Variants in FRAS1 observed in about 807,000 individuals in gnomAD.
The protein encoded by FRAS1 is Fraser extracellular matrix complex subunit 1, also known as extracellular matrix organizing protein FRAS1.
In FRAS1, 290 loss-of-function variants were observed where a neutral mutation model predicts 435.2. The observed-to-expected ratio is 0.67, with a 90% CI of 0.61 to 0.73. The LOEUF is 0.73. Ranked by LOEUF, FRAS1 falls within the 30% of genes least tolerant of loss-of-function variation. The pLI is 0.00. For missense variants in FRAS1, 4,860 were observed against 5,001.5 expected (o/e 0.97, Z 0.85); for synonymous variants, 1,800 against 1,851.0 (o/e 0.97, Z 0.71).
intron 29 of FRAS1, among the ~76,000 whole-genome samples, chr4:78,397,310 G>A (rs1239772642): frequency 6.6e-6 from 1 of 152,174 alleles, no homozygotes; most frequent in Non-Finnish European, 1.5e-5. Flanking sequence ...ATGATGGTAT[G>A]TCTTCTCTTG....
rs369399937 is a variant in FRAS1 at position 78,411,108 on chromosome 4, A to ATTT, written c.4309-1855_4309-1853dup. 2.6e-3 allele frequency among the ~76,000 whole-genome samples: 375 copies of ATTT among 142,882 alleles called. 17 individuals are homozygous for ATTT. Among genetic ancestry groups the ATTT allele is most frequent in the South Asian group, 0.012 (57 of 4,578 alleles). The allele number at this position is 142,882 out of a possible 152,430, so 93.7% of individuals were successfully genotyped here. A position where few individuals can be genotyped will look rare whatever the true frequency, so the allele number is the denominator to read the frequency against. ...AAATGCAGTATAATGAGTTGCATGG[A>ATTT]TTTTTTTTCTTTTTTTTTCTGAGAC... On this transcript the variant is annotated intron_variant, in intron 31 of 73. Transcript: ENST00000512123.
At chr4:78,271,459 C>A (rs11934447) in intron 9 of FRAS1, among the ~76,000 whole-genome samples, 35,130 of 151,550 alleles carry the variant, frequency 0.23, 5,059 homozygotes, top group Non-Finnish European at 0.33. Context: ...TGCTATCCCT[C>A]CCCCCTACCC....
chr4:78,519,972 T>C (rs1035339898), intron 67 of FRAS1, among the ~76,000 whole-genome samples: 1 of 152,210 alleles, frequency 6.6e-6, no homozygotes, highest in Non-Finnish European at 1.5e-5. Context: ...AAGAAGGGAT[T>C]TTAACCTTCC....
chr4:78,181,852 C>T (rs573668739), intron 2 of FRAS1: 44 of 1,612,062 alleles, frequency 2.7e-5, no homozygotes, highest in Admixed American at 2.3e-4. Flanking sequence ...GTTTGCCTGC[C>T]GCGTTGGAGT....
intron 6 of FRAS1, among the ~76,000 whole-genome samples, chr4:78,256,809 A>G (rs919086276): frequency 1.3e-5 from 2 of 152,156 alleles, no homozygotes; most frequent in Non-Finnish European, 2.9e-5. Context: ...CATTAAGTCT[A>G]TATTCTTGCC....
intron 2 of FRAS1, chr4:78,070,944 C>T (rs1197693734): frequency 3.9e-5 from 6 of 152,174 alleles, no homozygotes; most frequent in African/African-American, 9.7e-5. Flanking sequence ...TTACAGTGCT[C>T]AATAAAGGTT....
chr4:78,216,446 A>C (rs571906842), intron 2 of FRAS1, among the ~76,000 whole-genome samples: 4 of 152,374 alleles, frequency 2.6e-5, no homozygotes, highest in Admixed American at 6.5e-5. Flanking sequence ...GCATAAATAC[A>C]TGCATAAGGG....
intron 61 of FRAS1, among the ~76,000 whole-genome samples, chr4:78,501,259 T>G (rs997484366): frequency 1.3e-5 from 2 of 152,158 alleles, no homozygotes; most frequent in Non-Finnish European, 2.9e-5. Context: ...GAATGATGGT[T>G]TCCAGCTTCA....
Position 78,286,509 on chromosome 4 carries a change from G to A in FRAS1, c.1504G>A (p.Gly502Ser), listed in dbSNP as rs1474127334. The A allele has an allele frequency of 1.2e-5, 20 of 1,613,278 alleles. No homozygotes were observed. The highest frequency in any genetic ancestry group is 5.5e-5 in the South Asian group (5 of 91,054). Reference sequence around the variant, plus strand: ...GCAGTGTGTGCCTACCTGTGGGGACGGCTTCTACCAAGATCGCCATTCCTG... The same window carrying A: ...GCAGTGTGTGCCTACCTGTGGGGACAGCTTCTACCAAGATCGCCATTCCTG... The part of the protein sequence containing the change: ...HGQCVPTCGD[G>S]FYQDRHSCAV... Residue 502 changes from glycine (G) to serine (S), a missense_variant, in exon 14 of 74, where the codon GGC becomes AGC. Transcript: ENST00000512123.
chr4:78,192,127 A>T (rs1722567742), intron 2 of FRAS1, among the ~76,000 whole-genome samples: 1 of 152,214 alleles, frequency 6.6e-6, no homozygotes, highest in African/African-American at 2.4e-5. Context: ...CCCAGGAATG[A>T]AGCCCACTTG....
At chr4:78,523,909 C>G (rs1721461098) in intron 69 of FRAS1, among the ~76,000 whole-genome samples, 1 of 152,198 alleles carries the variant, frequency 6.6e-6, no homozygotes, top group Admixed American at 6.5e-5. Flanking sequence ...ACGTTAGTTA[C>G]TCACCAATCC....
intron 9 of FRAS1, among the ~76,000 whole-genome samples, chr4:78,270,855 T>C (rs916559949): frequency 3.3e-5 from 5 of 152,200 alleles, no homozygotes; most frequent in African/African-American, 1.2e-4. Flanking sequence ...ATCTGCTTTC[T>C]ATAGTACCCA....
chr4:78,486,856 A>T (rs1317572444), intron 58 of FRAS1, among the ~76,000 whole-genome samples: 6 of 142,708 alleles, frequency 4.2e-5, no homozygotes, highest in African/African-American at 1.6e-4. Context: ...TTTTTGGCAG[A>T]CAGGGATAGA....
In FRAS1 at chr4:78,537,017, A is replaced by G. The variant is rs1721906367; in HGVS notation, c.11115A>G (p.Val3705=). The G allele has an allele frequency of 1.1e-5, 17 of 1,613,828 alleles. No individual in the cohort carries two copies. The highest frequency in any genetic ancestry group is 1.7e-5 in the Admixed American group (1 of 60,010). The part of the protein sequence containing the change: ...FSKGQILYGR[V]LWNPEQNLNS... ...CAGGTCAAATCCTTTATGGCCGAGTACTTTGGAATCCAGAACAAAATCTTA... is the reference window on the plus strand; with the variant it reads ...CAGGTCAAATCCTTTATGGCCGAGTGCTTTGGAATCCAGAACAAAATCTTA... The change falls in exon 72 of 74, where the codon GTA becomes GTG. Residue 3705 remains valine (V), a synonymous_variant. Coordinates refer to ENST00000512123, the MANE Select transcript of FRAS1 (RefSeq NM_025074.7).
chr4:78,219,069 A>G (rs1430197462), intron 2 of FRAS1, among the ~76,000 whole-genome samples: 1 of 152,164 alleles, frequency 6.6e-6, no homozygotes. Context: ...TGGTAATTAC[A>G]TTCTTTTGCT....
intron 2 of FRAS1, among the ~76,000 whole-genome samples, chr4:78,121,015 G>A (rs1409591686): frequency 6.6e-6 from 1 of 152,146 alleles, no homozygotes; most frequent in African/African-American, 2.4e-5. Context: ...AGATCTTTAG[G>A]TAGAATGGTC....
intron 18 of FRAS1, chr4:78,319,769 G>A (rs535916162): frequency 5.3e-6 from 1 of 187,410 alleles, no homozygotes; most frequent in African/African-American, 2.4e-5. Context: ...ATTCAGTTTT[G>A]TATCCTACAA....
chr4:78,423,397 C>T (rs1733870984), intron 34 of FRAS1, among the ~76,000 whole-genome samples: 1 of 152,106 alleles, frequency 6.6e-6, no homozygotes. Flanking sequence ...GAACTCCTGA[C>T]CTCGTGATCC....
chr4:78,122,443 G>C (rs1184416113), intron 2 of FRAS1, among the ~76,000 whole-genome samples: 1 of 152,044 alleles, frequency 6.6e-6, no homozygotes, highest in Non-Finnish European at 1.5e-5. Context: ...ACATACCTGT[G>C]CATGTGTCTT....
Sources: gnomAD v4.1 joint callset for allele counts (sites outside exome capture counted in the v4.1 genomes callset) on GRCh38, gnomAD v4.1.1 for gene constraint, MANE v1.5 for transcripts, NCBI Gene and HGNC (gene_info 2026-07-23, HGNC 2026-07-21) for gene names.